The following PFKFB4 variants were observed in gnomAD, a reference collection of about 807,000 sequenced individuals.
The protein encoded by PFKFB4 is 6-phosphofructo-2-kinase/fructose-2,6-bisphosphatase 4.
A neutral mutation model predicts 62.8 loss-of-function variants in PFKFB4; 42 were observed. The observed-to-expected ratio is 0.67, with a 90% CI of 0.52 to 0.86. The LOEUF is 0.86. PFKFB4 is among the 40% of genes least tolerant of loss of function. The pLI, the probability that PFKFB4 is intolerant of heterozygous loss-of-function variation, is 0.00. For synonymous variants in PFKFB4, 204 were observed against 240.7 expected (o/e 0.85, Z 1.41); for missense variants, 475 against 627.2 (o/e 0.76, Z 2.59).
chr3:48,562,924 G>A (rs1339031014), upstream of PFKFB4: 3 of 1,605,472 alleles, frequency 1.9e-6, no homozygotes, highest in East Asian at 6.7e-5. The surrounding 1 kb of genome is among the most constrained non-coding windows in gnomAD (Gnocchi z 4.3). Context: ...GCGAGCCAGG[G>A]TGGCGGGTGG....
chr3:48,520,389 T>C (rs1352425464), intron 13 of PFKFB4, among the ~76,000 whole-genome samples: 2 of 152,150 alleles, frequency 1.3e-5, no homozygotes, highest in Non-Finnish European at 2.9e-5. Flanking sequence ...GTCTCAGGCC[T>C]GAGGAATAGG....
intron 1 of PFKFB4, among the ~76,000 whole-genome samples, chr3:48,551,637 C>T (rs906861122): frequency 1.9e-4 from 27 of 144,220 alleles, no homozygotes; most frequent in Admixed American, 6.6e-4. Context: ...CTCTGCCTCC[C>T]GGGCTCAAGC....
chr3:48,539,734 G>A lies in PFKFB4; in HGVS notation c.416C>T (p.Ala139Val), dbSNP rs758109236. The change falls in exon 5 of 14, where the codon GCG (alanine) becomes GTG (valine). Residue 139 changes from alanine to valine, a missense_variant. Transcript: ENST00000232375. Reference sequence around the variant, plus strand: ...CTGTTCTCCAAAATTAAAGATGGTCGCTCTCCGTTCTCGGGTGGTGTTTGT... The same window carrying A: ...CTGTTCTCCAAAATTAAAGATGGTCACTCTCCGTTCTCGGGTGGTGTTTGT... ...DATNTTRERR[A>V]TIFNFGEQNG... 4.3e-6 allele frequency: 7 copies of A among 1,614,088 alleles called. No homozygotes were observed. The highest frequency in any genetic ancestry group is 1.7e-5 in the Admixed American group (1 of 60,024).
intron 3 of PFKFB4, among the ~76,000 whole-genome samples, chr3:48,549,479 G>A (rs1012734400): frequency 2.6e-5 from 4 of 152,026 alleles, no homozygotes; most frequent in South Asian, 4.1e-4. Context: ...GTGAGCGAGC[G>A]TGACCTCCAG....
chr3:48,529,224 G>A (rs1011626837), intron 9 of PFKFB4, among the ~76,000 whole-genome samples: 1 of 151,862 alleles, frequency 6.6e-6, no homozygotes, highest in Admixed American at 6.6e-5. Context: ...TTTTAAATGG[G>A]TGAATTCTAT....
Position 48,538,497 on chromosome 3 carries a change from C to G in PFKFB4, c.632+1G>C, listed in dbSNP as rs752030853. 1.2e-6 allele frequency: 2 copies of G among 1,613,892 alleles called. No homozygotes were observed. Among genetic ancestry groups the G allele is most frequent in the Non-Finnish European group, 1.7e-6 (2 of 1,179,984 alleles). On this transcript the variant is annotated splice_donor_variant, in intron 7 of 13. Coordinates refer to ENST00000232375, the MANE Select transcript of PFKFB4 (RefSeq NM_004567.4). LOFTEE classifies it high-confidence loss of function. ...CAGGGCCTGGCGCTGCCCTGACTCACCTATCCAGGTCCTCATCTAGCGACT... is the reference window on the plus strand; with the variant it reads ...CAGGGCCTGGCGCTGCCCTGACTCAGCTATCCAGGTCCTCATCTAGCGACT...
intron 10 of PFKFB4, 104 bp downstream of exon 10, chr3:48,525,461 C>T: frequency 5.2e-6 from 3 of 581,616 alleles, no homozygotes; most frequent in Non-Finnish European, 3.1e-6. Flanking sequence ...CAGGCCCCTT[C>T]TGCTACCCAC....
At chr3:48,557,545 T>A (rs1291855271), upstream of PFKFB4, among the ~76,000 whole-genome samples, 1 of 152,168 alleles carries the variant, frequency 6.6e-6, no homozygotes, top group Non-Finnish European at 1.5e-5. Context: ...CGTGGGACTT[T>A]TTTTTTTTGA....
Position 48,535,495 on chromosome 3 carries a change from G to A in PFKFB4, c.987+17C>T. On this transcript the variant is annotated intron_variant, in intron 9 of 13. Coordinates refer to ENST00000232375, the MANE Select transcript of PFKFB4 (RefSeq NM_004567.4). ...CGGTATCTGGGAGGTAGACAGGGAGGGAGGGACGGTAACTACCGCATCGAT... is the reference window on the plus strand; with the variant it reads ...CGGTATCTGGGAGGTAGACAGGGAGAGAGGGACGGTAACTACCGCATCGAT... The A allele has an allele frequency of 2.5e-6, 4 of 1,606,574 alleles. No individual in the cohort carries two copies. The highest frequency in any genetic ancestry group is 3.4e-6 in the Non-Finnish European group (4 of 1,173,834).
intron 1 of PFKFB4, among the ~76,000 whole-genome samples, chr3:48,550,906 G>C (rs1277904917): frequency 6.6e-6 from 1 of 152,224 alleles, no homozygotes; most frequent in Non-Finnish European, 1.5e-5. Flanking sequence ...TAGGGCCCTG[G>C]GGCCTGGCAC....
rs1168003494 is a variant in PFKFB4, at chr3:48,539,150, C to T, written c.510+104G>A. The T allele has an allele frequency of 3.5e-6, 3 of 862,166 alleles. No individual in the cohort carries two copies. The East Asian group carries it at 7.4e-5, about 21-fold the overall frequency. 53.4% of individuals were successfully genotyped at this position (862,166 alleles called of 1,614,324 possible). On this transcript the variant is annotated intron_variant, in intron 6 of 13. Coordinates refer to ENST00000232375, the MANE Select transcript of PFKFB4 (RefSeq NM_004567.4). ...CCCAGCATTTGAAGTTACACTTCCT[C>T]CCTACCCCCACAAGGTTCAAGATCA...
Position 48,556,147 on chromosome 3 carries a change from T to G in PFKFB4, c.97+534A>C, listed in dbSNP as rs924187334. 6 of 457,030 alleles carry G rather than the reference T, an allele frequency of 1.3e-5. No individual in the cohort carries two copies. The highest frequency in any genetic ancestry group is 1.2e-4 in the African/African-American group (6 of 50,088). 28.3% of individuals were successfully genotyped at this position (457,030 alleles called of 1,614,324 possible). ...CTTTTCTGTCTCTATCCTGAGCACATCTCTGCTGAAGTTCCTGCCCAAGCT... is the reference window on the plus strand; with the variant it reads ...CTTTTCTGTCTCTATCCTGAGCACAGCTCTGCTGAAGTTCCTGCCCAAGCT... On this transcript the variant is annotated intron_variant, in intron 1 of 13. Transcript: ENST00000232375. The surrounding 1 kb of genome is among the most constrained non-coding windows in gnomAD (Gnocchi z 5.7).
chr3:48,520,721 A>C (rs2042071462), intron 13 of PFKFB4, among the ~76,000 whole-genome samples: 1 of 152,210 alleles, frequency 6.6e-6, no homozygotes, highest in South Asian at 2.1e-4. Context: ...GCCATCCAGG[A>C]ACCTGGGGTT....
At chr3:48,551,465 CCTGGGCCTCCCAAAGTGCTGG>C (rs1287348406) in intron 1 of PFKFB4, among the ~76,000 whole-genome samples, 1 of 145,710 alleles carries the variant, frequency 6.9e-6, no homozygotes, top group Non-Finnish European at 1.5e-5. Flanking sequence ...GATCCGACTG[CCTGGGCCTCCCAAAGTGCTGG>C]GATTACAGGT....
intron 9 of PFKFB4, 88 bp downstream of exon 9, chr3:48,535,424 A>G: frequency 8.3e-7 from 1 of 1,205,074 alleles, no homozygotes; most frequent in Non-Finnish European, 1.2e-6. Flanking sequence ...CCTTTGCCCA[A>G]GGGGAGCAAT....
intron 3 of PFKFB4, among the ~76,000 whole-genome samples, chr3:48,545,631 CTTTT>C (rs2042938091): frequency 6.6e-6 from 1 of 151,404 alleles, no homozygotes; most frequent in Non-Finnish European, 1.5e-5. Flanking sequence ...TCTTTTCTTT[CTTTT>C]GTTTTTTTTT....
At chr3:48,543,483 A>T in intron 4 of PFKFB4, 97 bp downstream of exon 4, 1 of 1,151,198 alleles carries the variant, frequency 8.7e-7, no homozygotes, top group Non-Finnish European at 1.3e-6. Context: ...GGGCACACAC[A>T]CCCTGCCTTC....
At chr3:48,529,345 C>T (rs9850102) in intron 9 of PFKFB4, among the ~76,000 whole-genome samples, 11,276 of 151,808 alleles carry the variant, frequency 0.074, 692 homozygotes, top group African/African-American at 0.16. Context: ...GAAGACAAGC[C>T]CAAGGCTGTT....
At chr3:48,559,839 A>G, upstream of PFKFB4, 1 of 323,154 alleles carries the variant, frequency 3.1e-6, no homozygotes, top group Non-Finnish European at 6.1e-6. Flanking sequence ...TCAAAGCTCA[A>G]ACTCTTCCCA....
Sources: allele counts gnomAD v4.1 joint callset (sites outside exome capture counted in the v4.1 genomes callset), GRCh38; gene constraint gnomAD v4.1.1; non-coding constraint Gnocchi (gnomAD v3.1); transcripts MANE v1.5; gene names NCBI Gene and HGNC (gene_info 2026-07-23, HGNC 2026-07-21).